The following SUMO2 variants were observed in gnomAD, a reference collection of about 807,000 sequenced individuals.
SUMO2 encodes small ubiquitin-related modifier 2.
Under a neutral mutation model 16.0 loss-of-function variants are expected in SUMO2, and 1 was observed. That is an observed-to-expected ratio of 0.06 (90% CI 0.02 to 0.30). The LOEUF (loss-of-function observed/expected upper bound fraction) is 0.30. Ranked by LOEUF, SUMO2 falls within the 10% of genes least tolerant of loss-of-function variation. The pLI, the probability that SUMO2 is intolerant of heterozygous loss-of-function variation, is 1.00. For synonymous variants in SUMO2, 36 were observed against 40.6 expected (o/e 0.89, Z 0.43); for missense variants, 16 against 117.5 (o/e 0.14, Z 3.99).
At chr17:75,177,512 G>C (rs973755824) in intron 2 of SUMO2, among the ~76,000 whole-genome samples, 1 of 151,732 alleles carries the variant, frequency 6.6e-6, no homozygotes, top group Non-Finnish European at 1.5e-5. Flanking sequence ...GTGAAGCCCC[G>C]TCTCTACTAA....
chr17:75,182,931 G>A lies in SUMO2; in HGVS notation c.-97C>T, dbSNP rs902710068. 1.0e-5 allele frequency: 11 copies of A among 1,105,346 alleles called. No individual in the cohort carries two copies. Among genetic ancestry groups the A allele is most frequent in the South Asian group, 3.5e-5 (1 of 28,186 alleles). 68.5% of individuals were successfully genotyped at this position (1,105,346 alleles called of 1,614,324 possible). On this transcript the variant is annotated 5_prime_UTR_variant, in exon 1 of 4. Coordinates refer to ENST00000420826, the MANE Select transcript of SUMO2 (RefSeq NM_006937.4). ...AGCAGCACCAGGAGCGGCAGAAGAA[G>A]GAGGCGGCAGCGGTGGACGAGGGGA...
At chr17:75,171,909 T>C (rs2074741840) in intron 3 of SUMO2, among the ~76,000 whole-genome samples, 1 of 152,112 alleles carries the variant, frequency 6.6e-6, no homozygotes, top group Non-Finnish European at 1.5e-5. Context: ...TGTGAAGTTT[T>C]ACAGTGAAAC....
At chr17:75,168,597 T>C (rs886936668) in intron 3 of SUMO2, among the ~76,000 whole-genome samples, 196 bp from the exon 4 acceptor site, 8 of 152,004 alleles carry the variant, frequency 5.3e-5, no homozygotes. Context: ...TTTATGACTA[T>C]TAGATAAAAC....
In SUMO2 at chr17:75,173,516, C is replaced by T. The variant is rs549565647; in HGVS notation, c.225+1236G>A. On this transcript the variant is annotated intron_variant, in intron 3 of 3. Transcript: ENST00000420826. ...TTGAGAGAGGGCCTCACTTTGTCAC[C>T]CAGGCTGGTGTGCAGTGGTACCATC... is the stretch of plus-strand genomic sequence containing the variant. Among the ~76,000 whole-genome samples the T allele has an allele frequency of 6.1e-4, 92 of 151,864 alleles. 1 individual carries two copies. The highest frequency in any genetic ancestry group is 7.9e-4 in the Admixed American group (12 of 15,196).
chr17:75,172,473 T>C (rs1598223003), intron 3 of SUMO2, among the ~76,000 whole-genome samples: 1 of 149,348 alleles, frequency 6.7e-6, no homozygotes, highest in Admixed American at 6.7e-5. Flanking sequence ...GCGTGCACCA[T>C]CATGCCTGGC....
At chr17:75,170,439 G>A (rs933487452) in intron 3 of SUMO2, among the ~76,000 whole-genome samples, 13 of 151,404 alleles carry the variant, frequency 8.6e-5, no homozygotes, top group Admixed American at 7.9e-4. Context: ...GTGTGGTTGC[G>A]CACGCCTGTA....
At chr17:75,170,310 G>A (rs1044559308) in intron 3 of SUMO2, among the ~76,000 whole-genome samples, 8 of 152,024 alleles carry the variant, frequency 5.3e-5, no homozygotes, top group Non-Finnish European at 1.0e-4. Context: ...CGGGGCTCAC[G>A]CCTATAATCC....
chr17:75,174,815 T>C lies in SUMO2; in HGVS notation c.162A>G (p.Ser54=). Residue 54 remains serine, a synonymous_variant, in exon 3 of 4, where the codon TCA becomes TCG. Coordinates refer to ENST00000420826, the MANE Select transcript of SUMO2 (RefSeq NM_006937.4). ...CAAATCGGAATCTGATCTGCCTCATTGACAATCCCTGAACGAGAATTTAAA... is the reference window on the plus strand; with the variant it reads ...CAAATCGGAATCTGATCTGCCTCATCGACAATCCCTGAACGAGAATTTAAA... The part of the protein sequence containing the change: ...MKAYCERQGL[S]MRQIRFRFDG... The C allele has an allele frequency of 1.2e-6, 2 of 1,613,694 alleles. No homozygotes were observed. The highest frequency in any genetic ancestry group is 1.7e-6 in the Non-Finnish European group (2 of 1,179,824).
rs185301441 is a variant in SUMO2 at position 75,178,243 on chromosome 17, C to G, written c.153+2814G>C. On this transcript the variant is annotated intron_variant, in intron 2 of 3. Transcript: ENST00000420826. ...AAGAATAGTGTTCAAGGCCAGGCAC[C>G]AGTGGCTCACACCTGTAATCCCAGC... is the stretch of plus-strand genomic sequence containing the variant. Among the ~76,000 whole-genome samples, 231 of 151,534 alleles carry G rather than the reference C, an allele frequency of 1.5e-3. 1 individual carries two copies. Among genetic ancestry groups the G allele is most frequent in the Non-Finnish European group, 2.1e-3 (144 of 67,824 alleles).
At chr17:75,171,915 G>C (rs546334570) in intron 3 of SUMO2, among the ~76,000 whole-genome samples, 1 of 151,744 alleles carries the variant, frequency 6.6e-6, no homozygotes, top group South Asian at 2.1e-4. Context: ...GTTTTACAGT[G>C]AAACTGTAAA....
chr17:75,172,280 C>A (rs2074745927), intron 3 of SUMO2, among the ~76,000 whole-genome samples: 3 of 151,120 alleles, frequency 2.0e-5, no homozygotes, highest in African/African-American at 7.3e-5. Context: ...CTTGCCTTGG[C>A]CTCCCAAAGT....
intron 1 of SUMO2, 26 bp from the exon 2 acceptor site, chr17:75,181,214 A>C: frequency 6.2e-7 from 1 of 1,609,620 alleles, no homozygotes; most frequent in Non-Finnish European, 8.5e-7. Flanking sequence ...TAAAAGTATA[A>C]TTTGGGAAAT....
chr17:75,181,896 C>G (rs566187493), intron 1 of SUMO2, among the ~76,000 whole-genome samples: 4 of 110,080 alleles, frequency 3.6e-5, no homozygotes, highest in Admixed American at 8.8e-5. Flanking sequence ...TAGATTTCGA[C>G]CCAACCTAAA....
intron 2 of SUMO2, among the ~76,000 whole-genome samples, chr17:75,180,802 T>C (rs1375743031): frequency 1.3e-5 from 2 of 151,602 alleles, no homozygotes; most frequent in South Asian, 2.1e-4. Flanking sequence ...ATTTCCTTGG[T>C]AAAAAAAAAT....
chr17:75,182,415 C>CG (rs2074836235), intron 1 of SUMO2: 1 of 158,378 alleles, frequency 6.3e-6, no homozygotes, highest in African/African-American at 2.4e-5. Flanking sequence ...GAGGACTCCT[C>CG]GCCGCCTCGG....
intron 2 of SUMO2, among the ~76,000 whole-genome samples, chr17:75,179,898 G>C (rs886396564): frequency 6.6e-6 from 1 of 152,096 alleles, no homozygotes; most frequent in African/African-American, 2.4e-5. Flanking sequence ...ACCTGCCTCA[G>C]TCTCCCAAAG....
intron 3 of SUMO2, among the ~76,000 whole-genome samples, chr17:75,169,017 C>T (rs1312244586): frequency 1.4e-5 from 2 of 147,718 alleles, no homozygotes; most frequent in East Asian, 2.0e-4. Flanking sequence ...CCCAAGAGAC[C>T]GAGACCACCT....
chr17:75,175,083 C>T (rs1197161997), intron 2 of SUMO2, among the ~76,000 whole-genome samples: 4 of 151,944 alleles, frequency 2.6e-5, no homozygotes, highest in Admixed American at 6.6e-5. Flanking sequence ...CTGGTTCAAG[C>T]GATTCTTCTG....
intron 1 of SUMO2, 79 bp from the exon 2 acceptor site, chr17:75,181,267 T>G: frequency 6.8e-7 from 1 of 1,479,694 alleles, no homozygotes. Context: ...CAGCCCTAGT[T>G]GCTTCAAAAA....
Sources: gnomAD v4.1 joint callset for allele counts (sites outside exome capture counted in the v4.1 genomes callset) on GRCh38, gnomAD v4.1.1 for gene constraint, MANE v1.5 for transcripts, NCBI Gene and HGNC (gene_info 2026-07-23, HGNC 2026-07-21) for gene names.